PCDHGA8: variants seen among roughly 807,000 people sequenced by gnomAD.
PCDHGA8 encodes the protein protocadherin gamma subfamily A, 8.
PCDHGA8 carries 45 observed loss-of-function variants against 59.2 expected under a neutral mutation model. That is an observed-to-expected ratio of 0.76 (90% CI 0.60 to 0.98). The LOEUF is 0.98. Ranked by LOEUF, PCDHGA8 falls within the 50% of genes least tolerant of loss-of-function variation. The pLI, the probability that PCDHGA8 is intolerant of heterozygous loss-of-function variation, is 0.00. For synonymous variants in PCDHGA8, 531 were observed against 519.0 expected, an observed-to-expected ratio of 1.02 and a Z score of -0.32; for missense variants, 1,257 against 1,196.2, an observed-to-expected ratio of 1.05 and a Z score of -0.75.
chr5:141,421,047 C>G, intron 1 of PCDHGA8: 1 of 552,794 alleles, frequency 1.8e-6, no homozygotes, highest in Middle Eastern at 4.8e-4. Flanking sequence ...CCTCCCCCGC[C>G]TCTACCACAC....
chr5:141,408,937 C>T (rs2095198483), intron 1 of PCDHGA8: 5 of 1,613,344 alleles, frequency 3.1e-6, no homozygotes, highest in African/African-American at 1.3e-5. Flanking sequence ...TCAGCAGAGA[C>T]GAATATAGAA....
intron 1 of PCDHGA8, among the ~76,000 whole-genome samples, chr5:141,484,419 A>G (rs978469951): frequency 1.3e-5 from 2 of 152,206 alleles, no homozygotes; most frequent in Non-Finnish European, 2.9e-5. Flanking sequence ...TCCTGTTACA[A>G]TGAGAACATG....
chr5:141,413,013 C>A, intron 1 of PCDHGA8: 2 of 661,008 alleles, frequency 3.0e-6, no homozygotes, highest in Admixed American at 6.8e-5. Context: ...GCTTCAACTA[C>A]ACAAGCCCCA....
At chr5:141,419,792 G>T (rs1379811891) in intron 1 of PCDHGA8, 15 of 1,613,924 alleles carry the variant, frequency 9.3e-6, no homozygotes, top group African/African-American at 2.7e-5. Flanking sequence ...CCTGCTAGTC[G>T]CTGTAAGAGA....
chr5:141,405,195 C>T, intron 1 of PCDHGA8: 1 of 1,613,786 alleles, frequency 6.2e-7, no homozygotes. Context: ...GGGGTTCGAG[C>T]TTTCCTACAG....
At chr5:141,419,567 G>A in intron 1 of PCDHGA8, 1 of 1,611,758 alleles carries the variant, frequency 6.2e-7, no homozygotes, top group Non-Finnish European at 8.5e-7. Context: ...GCTGGGTCCC[G>A]ACGGCTCCGC....
intron 1 of PCDHGA8, chr5:141,413,323 G>A (rs1221252167): frequency 2.5e-6 from 4 of 1,613,840 alleles, no homozygotes; most frequent in Non-Finnish European, 3.4e-6. Flanking sequence ...CTCTTTCGTG[G>A]GCAACATCTC....
chr5:141,409,887 T>C, intron 1 of PCDHGA8: 2 of 1,613,062 alleles, frequency 1.2e-6, no homozygotes, highest in Admixed American at 1.7e-5. Context: ...GCACCGCGGG[T>C]GCTGTACCCA....
At chr5:141,415,359 G>C in intron 1 of PCDHGA8, 2 of 1,614,246 alleles carry the variant, frequency 1.2e-6, no homozygotes, top group Non-Finnish European at 1.7e-6. Flanking sequence ...AGTCACGCCT[G>C]CTGCAGGCTT....
intron 1 of PCDHGA8, chr5:141,427,440 G>C (rs747459662): frequency 4.2e-6 from 2 of 477,366 alleles, no homozygotes; most frequent in African/African-American, 2.0e-5. Flanking sequence ...CCTCATAAAC[G>C]AAAGAGTTCC....
At chr5:141,403,267 C>A in intron 1 of PCDHGA8, 1 of 1,613,888 alleles carries the variant, frequency 6.2e-7, no homozygotes, top group Non-Finnish European at 8.5e-7. Context: ...GTCTGGTGAA[C>A]TTTAAAGTCC....
At chr5:141,405,966 C>T (rs1226823491) in intron 1 of PCDHGA8, among the ~76,000 whole-genome samples, 3 of 151,986 alleles carry the variant, frequency 2.0e-5, no homozygotes, top group South Asian at 4.1e-4. Flanking sequence ...CTGCTGTCAA[C>T]GTAAACCATA....
intron 1 of PCDHGA8, chr5:141,416,530 G>C (rs976560428): frequency 6.6e-6 from 1 of 152,160 alleles, no homozygotes; most frequent in Non-Finnish European, 1.5e-5. Context: ...GCTCTTTAAT[G>C]TATAAGGAGG....
At chr5:141,449,531 G>A (rs1421489293) in intron 1 of PCDHGA8, among the ~76,000 whole-genome samples, 2 of 149,216 alleles carry the variant, frequency 1.3e-5, no homozygotes, top group Admixed American at 6.7e-5. Flanking sequence ...GGAGGTTGCA[G>A]TGAGCCGAGA....
In PCDHGA8 at chr5:141,486,047, C is replaced by T. The variant is rs763394605; in HGVS notation, c.2425-8760C>T. Reference sequence around the variant, plus strand: ...TCATACCCCTGATCGTGTAAGAAACCTCTTTAGCCTGCACCCCACTACTGG... The same window carrying T: ...TCATACCCCTGATCGTGTAAGAAACTTCTTTAGCCTGCACCCCACTACTGG... On this transcript the variant is annotated intron_variant, in intron 1 of 3. Transcript: ENST00000398604. The surrounding 1 kb of genome is among the most constrained non-coding windows in gnomAD (Gnocchi z 5.0). 2.5e-6 allele frequency: 4 copies of T among 1,614,054 alleles called. No individual in the cohort carries two copies. The African/African-American group carries it at 5.3e-5, about 22-fold the overall frequency.
intron 1 of PCDHGA8, among the ~76,000 whole-genome samples, chr5:141,449,848 T>C (rs7713034): frequency 0.29 from 44,283 of 151,474 alleles, 7,514 homozygotes; most frequent in African/African-American, 0.48. Flanking sequence ...AATTAAATTT[T>C]AATAATAAAA....
intron 1 of PCDHGA8, chr5:141,475,850 G>C (rs2099376325): frequency 8.6e-6 from 4 of 464,524 alleles, no homozygotes; most frequent in Non-Finnish European, 1.5e-5. Flanking sequence ...AGAGAGCCCG[G>C]CGCTAGCTCA....
At chr5:141,478,526 G>A (rs1402123535) in intron 1 of PCDHGA8, 1 of 1,609,906 alleles carries the variant, frequency 6.2e-7, no homozygotes, top group Admixed American at 1.7e-5. Context: ...GTTGGGTGCA[G>A]AGAGCGCCCC....
At chr5:141,418,484 C>T (rs771278923) in intron 1 of PCDHGA8, 1 of 1,613,878 alleles carries the variant, frequency 6.2e-7, no homozygotes, top group East Asian at 2.2e-5. Flanking sequence ...GAGCGCTCAC[C>T]ACTTGGTACT....
Sources: gnomAD v4.1 joint callset for allele counts (sites outside exome capture counted in the v4.1 genomes callset) on GRCh38, gnomAD v4.1.1 for gene constraint, Gnocchi (gnomAD v3.1) non-coding constraint, MANE v1.5 for transcripts, NCBI Gene and HGNC (gene_info 2026-07-23, HGNC 2026-07-21) for gene names.